The following KIAA1549L variants were observed in gnomAD, a reference collection of about 807,000 sequenced individuals.
KIAA1549L encodes the protein KIAA1549 like, also known as UPF0606 protein KIAA1549L.
Under a neutral mutation model 160.7 loss-of-function variants are expected in KIAA1549L, and 88 were observed. That is an observed-to-expected ratio of 0.55 (90% CI 0.46 to 0.65). The LOEUF is 0.65. Among genes scored for constraint, KIAA1549L ranks in the 30% least tolerant of loss-of-function variants. The pLI, the probability that KIAA1549L is intolerant of heterozygous loss-of-function variation, is 0.00. For missense variants in KIAA1549L, 2,258 were observed against 2,437.5 expected, an observed-to-expected ratio of 0.93 and a Z score of 1.55; for synonymous variants, 950 against 976.7, an observed-to-expected ratio of 0.97 and a Z score of 0.51.
At chr11:33,459,119 G>A (rs1851887919) in intron 1 of KIAA1549L, among the ~76,000 whole-genome samples, 1 of 152,218 alleles carries the variant, frequency 6.6e-6, no homozygotes, top group Admixed American at 6.5e-5. Flanking sequence ...TTGGATGTTT[G>A]TATGTTAGTG....
chr11:33,406,051 C>T (rs1850643480), intron 1 of KIAA1549L, among the ~76,000 whole-genome samples: 1 of 152,094 alleles, frequency 6.6e-6, no homozygotes, highest in South Asian at 2.1e-4. Flanking sequence ...ATGATTCTGG[C>T]AGTTGGAGCA....
At chr11:33,643,060 C>T (rs1851629360) in intron 16 of KIAA1549L, among the ~76,000 whole-genome samples, 1 of 152,132 alleles carries the variant, frequency 6.6e-6, no homozygotes, top group Non-Finnish European at 1.5e-5. Context: ...CTATCTGTAG[C>T]TATCGAGAGA....
chr11:33,387,397 C>T lies in KIAA1549L; in HGVS notation c.238+10508C>T, dbSNP rs1342950370. Among the ~76,000 whole-genome samples, 3 of 152,032 alleles carry T rather than the reference C, an allele frequency of 2.0e-5. No homozygotes were observed. In the East Asian group the frequency reaches 5.8e-4, roughly 29 times the overall value. On this transcript the variant is annotated intron_variant, in intron 1 of 20. Coordinates refer to ENST00000658780, the MANE Select transcript of KIAA1549L (RefSeq NM_012194.3). ...CTCGGCTCACTGCAATCTCCACGTC[C>T]CAGGTTCAAGCAATTCTCCTGCCTC...
intron 1 of KIAA1549L, among the ~76,000 whole-genome samples, chr11:33,480,335 C>T (rs12222353): frequency 0.18 from 27,034 of 152,192 alleles, 3,048 homozygotes; most frequent in East Asian, 0.32. Context: ...GTTTGCAGGG[C>T]TCAGCCGTGC....
intron 1 of KIAA1549L, among the ~76,000 whole-genome samples, chr11:33,408,949 CAAAAA>C (rs763850676): frequency 3.0e-5 from 2 of 66,846 alleles, no homozygotes; most frequent in African/African-American, 6.2e-5. Context: ...GACTCCATCT[CAAAAA>C]AAAAAAAAAA....
intron 1 of KIAA1549L, among the ~76,000 whole-genome samples, chr11:33,430,045 T>TCCTTCCTTCCCTCCTCCCTC (rs538132465): frequency 7.8e-6 from 1 of 128,894 alleles, no homozygotes; most frequent in African/African-American, 3.3e-5. Flanking sequence ...CTTCCTTCCT[T>TCCTTCCTTCCCTCCTCCCTC]CCTCCCTTCC....
At chr11:33,592,438 C>T (rs1170425834) in intron 12 of KIAA1549L, among the ~76,000 whole-genome samples, 1 of 152,212 alleles carries the variant, frequency 6.6e-6, no homozygotes, top group Admixed American at 6.5e-5. Context: ...CTATGGCAAG[C>T]CGCGTTGGCT....
intron 1 of KIAA1549L, among the ~76,000 whole-genome samples, chr11:33,485,349 C>G (rs1415638320): frequency 1.3e-5 from 2 of 152,146 alleles, no homozygotes; most frequent in Non-Finnish European, 2.9e-5. Flanking sequence ...CAATCTTCTA[C>G]AAAATTTATC....
chr11:33,601,108 T>C (rs1056285091), intron 13 of KIAA1549L, among the ~76,000 whole-genome samples: 3 of 152,174 alleles, frequency 2.0e-5, no homozygotes, highest in Admixed American at 1.3e-4. Flanking sequence ...AAAATGCAGT[T>C]ACTATGCCAG....
At chr11:33,377,925 A>G (rs532956240) in intron 1 of KIAA1549L, among the ~76,000 whole-genome samples, 6 of 152,158 alleles carry the variant, frequency 3.9e-5, no homozygotes, top group Admixed American at 6.5e-5. Flanking sequence ...CGATTCACTT[A>G]AAGAGTCACT....
intron 1 of KIAA1549L, among the ~76,000 whole-genome samples, chr11:33,401,772 C>G (rs1475849354): frequency 6.6e-6 from 1 of 152,198 alleles, no homozygotes; most frequent in Non-Finnish European, 1.5e-5. Context: ...GCCTCAGCCT[C>G]CCAAGGTGCT....
chr11:33,499,097 T>C (rs1852886662), intron 1 of KIAA1549L, among the ~76,000 whole-genome samples: 1 of 152,152 alleles, frequency 6.6e-6, no homozygotes, highest in Admixed American at 6.5e-5. Context: ...CAAATCCCAC[T>C]TGACATTCTG....
rs2134040438 is a variant in KIAA1549L, at chr11:33,386,570, C to T, written c.238+9681C>T. Among the ~76,000 whole-genome samples, 2 of 152,198 alleles carry T rather than the reference C, an allele frequency of 1.3e-5. 1 individual carries two copies. The highest frequency in any genetic ancestry group is 4.1e-4 in the South Asian group (2 of 4,822). ...TGGTGGTGGGTGCCTGTAATCCCAG[C>T]CACTCAGGAGGCTGAGGCAGGAGAA... On this transcript the variant is annotated intron_variant, in intron 1 of 20. Transcript: ENST00000658780.
chr11:33,542,945 C>T lies in KIAA1549L; in HGVS notation c.1382C>T (p.Ala461Val), dbSNP rs756631456. 9 of 1,613,962 alleles carry T rather than the reference C, an allele frequency of 5.6e-6. No individual in the cohort carries two copies. In the East Asian group the frequency reaches 1.6e-4, roughly 28 times the overall value. ...GCTCCAGAGAATTCCAGAGGGCCCG[C>T]CCTTTCGGCAGAACACACCTCTTCT... is the stretch of plus-strand genomic sequence containing the variant. ...SAAPENSRGPALSAEHTSSLV... is the reference protein window; with the variant it reads ...SAAPENSRGPVLSAEHTSSLV... Residue 461 changes from alanine (A) to valine (V), a missense_variant, in exon 2 of 21, where the codon GCC (alanine) becomes GTC (valine). Ala to Val is a moderately conservative substitution (Grantham distance 64). Transcript: ENST00000658780.
intron 1 of KIAA1549L, among the ~76,000 whole-genome samples, chr11:33,472,710 A>C (rs1471679450): frequency 6.6e-6 from 1 of 152,088 alleles, no homozygotes; most frequent in Non-Finnish European, 1.5e-5. Context: ...GCATGTCAAA[A>C]ATTTCTTTCA....
intron 16 of KIAA1549L, among the ~76,000 whole-genome samples, chr11:33,631,111 A>G (rs1207732384): frequency 6.6e-6 from 1 of 152,120 alleles, no homozygotes; most frequent in Non-Finnish European, 1.5e-5. Flanking sequence ...ATTACTCACC[A>G]CTGCTGAAGC....
intron 1 of KIAA1549L, among the ~76,000 whole-genome samples, chr11:33,503,987 C>T (rs1046867151): frequency 5.3e-5 from 8 of 152,230 alleles, no homozygotes; most frequent in Non-Finnish European, 1.2e-4. Context: ...CCCAGCTGGG[C>T]ACAGTGGCTC....
At chr11:33,420,747 T>C (rs542290374) in intron 1 of KIAA1549L, among the ~76,000 whole-genome samples, 1 of 152,248 alleles carries the variant, frequency 6.6e-6, no homozygotes, top group East Asian at 1.9e-4. Flanking sequence ...AACTCTGCAG[T>C]TTTGTTAGCA....
chr11:33,549,685 A>C (rs961853465), intron 4 of KIAA1549L, among the ~76,000 whole-genome samples: 1 of 152,222 alleles, frequency 6.6e-6, no homozygotes, highest in African/African-American at 2.4e-5. Context: ...ATGGAGATGC[A>C]AGAATATGGG....
Sources: gnomAD v4.1 joint callset for allele counts (sites outside exome capture counted in the v4.1 genomes callset) on GRCh38, gnomAD v4.1.1 for gene constraint, MANE v1.5 for transcripts, NCBI Gene and HGNC (gene_info 2026-07-23, HGNC 2026-07-21) for gene names.